ME1: variants seen among roughly 807,000 people sequenced by gnomAD.
ME1 encodes the protein malic enzyme 1.
A neutral mutation model predicts 66.4 loss-of-function variants in ME1; 74 were observed. That is an observed-to-expected ratio of 1.11 (90% CI 0.92 to 1.35). ME1 has a LOEUF of 1.35. Among genes scored for constraint, ME1 ranks in the 40% most tolerant of loss-of-function variants. The probability of loss-of-function intolerance (pLI) is 0.00; values close to 1 mark genes in which losing one functional copy is unlikely to be tolerated. For missense variants in ME1, 750 were observed against 694.1 expected (o/e 1.08, Z -0.90); for synonymous variants, 251 against 235.6 (o/e 1.07, Z -0.60).
intron 5 of ME1, among the ~76,000 whole-genome samples, chr6:83,327,386 C>T (rs1768316234): frequency 6.6e-6 from 1 of 152,184 alleles, no homozygotes; most frequent in South Asian, 2.1e-4. Context: ...AGAAATATCA[C>T]CGAATTCTTT....
intron 2 of ME1, among the ~76,000 whole-genome samples, chr6:83,399,931 T>C (rs561889761): frequency 6.6e-6 from 1 of 152,172 alleles, no homozygotes; most frequent in African/African-American, 2.4e-5. Flanking sequence ...TAAAATTAAT[T>C]TGGCAATGTG....
At chr6:83,277,883 T>C (rs1170498) in intron 6 of ME1, among the ~76,000 whole-genome samples, 72,147 of 150,108 alleles carry the variant, frequency 0.48, 18,909 homozygotes, top group African/African-American at 0.7. Context: ...GCTTGGGCGA[T>C]AGTGAGACTG....
intron 6 of ME1, among the ~76,000 whole-genome samples, chr6:83,312,366 T>C (rs1285150477): frequency 6.6e-6 from 1 of 152,116 alleles, no homozygotes; most frequent in Non-Finnish European, 1.5e-5. Flanking sequence ...CTGGTGGTGA[T>C]TCCTCAGACC....
chr6:83,383,942 C>T (rs770788779), intron 3 of ME1, among the ~76,000 whole-genome samples: 12 of 151,682 alleles, frequency 7.9e-5, no homozygotes, highest in Non-Finnish European at 1.8e-4. Context: ...TACAATAAAA[C>T]ATATAGTATT....
At chr6:83,362,898 T>A (rs941996565) in intron 3 of ME1, among the ~76,000 whole-genome samples, 1 of 152,222 alleles carries the variant, frequency 6.6e-6, no homozygotes, top group African/African-American at 2.4e-5. Context: ...CTCATGCTCA[T>A]GGAATTCACT....
intron 11 of ME1, among the ~76,000 whole-genome samples, chr6:83,226,528 G>A (rs1290976161): frequency 6.6e-6 from 1 of 152,040 alleles, no homozygotes; most frequent in Non-Finnish European, 1.5e-5. Flanking sequence ...GAACACTGAT[G>A]CCATCCCAAA....
intron 6 of ME1, among the ~76,000 whole-genome samples, chr6:83,312,540 T>G (rs1437254560): frequency 6.6e-6 from 1 of 151,764 alleles, no homozygotes; most frequent in Non-Finnish European, 1.5e-5. Flanking sequence ...AAAACCAACA[T>G]AGCATTGATG....
At chr6:83,214,497 T>C (rs1583322151) in intron 13 of ME1, among the ~76,000 whole-genome samples, 1 of 152,356 alleles carries the variant, frequency 6.6e-6, no homozygotes, top group East Asian at 1.9e-4. Flanking sequence ...CCACTCCCAT[T>C]CTGAAATTGT....
intron 9 of ME1, among the ~76,000 whole-genome samples, chr6:83,237,268 A>AAAGAAAGAAAGAAAGAAAGG (rs1790421647): frequency 9.4e-6 from 1 of 106,604 alleles, no homozygotes. Flanking sequence ...AGAAAGAAAG[A>AAAGAAAGAAAGAAAGAAAGG]AAGAAAGAAA....
At chr6:83,252,093 GT>G (rs534820704) in intron 7 of ME1, among the ~76,000 whole-genome samples, 88 of 152,296 alleles carry the variant, frequency 5.8e-4, no homozygotes, top group Middle Eastern at 6.8e-3. Context: ...AATGCAAAAG[GT>G]TTAGTGATAG....
chr6:83,235,534 G>C (rs959367633), intron 9 of ME1, among the ~76,000 whole-genome samples: 16 of 148,636 alleles, frequency 1.1e-4, no homozygotes, highest in Non-Finnish European at 1.9e-4. Context: ...GCAGTGGCGC[G>C]ATCTCGGCTC....
At chr6:83,398,241 G>C (rs1340457989) in intron 3 of ME1, 126 bp downstream of exon 3, 1 of 646,648 alleles carries the variant, frequency 1.5e-6, no homozygotes, top group Non-Finnish European at 2.5e-6. Flanking sequence ...AACATCCTCT[G>C]TACATCATAA....
chr6:83,312,353 C>A (rs949871534), intron 6 of ME1, among the ~76,000 whole-genome samples: 1 of 152,146 alleles, frequency 6.6e-6, no homozygotes, highest in African/African-American at 2.4e-5. Flanking sequence ...ACCACAGACC[C>A]ACCTGGTGGT....
In ME1 at chr6:83,431,049, G is replaced by C. The variant is rs1770481443; in HGVS notation, c.-95C>G. ...TGCTGGGGTGACGGTGCTGACTGCA[G>C]CTGTGGCGGCGGCGGCCGCACTGGG... is the stretch of plus-strand genomic sequence containing the variant. On this transcript the variant is annotated 5_prime_UTR_variant, in exon 1 of 14. Coordinates refer to ENST00000369705, the MANE Select transcript of ME1 (RefSeq NM_002395.6). 2 of 741,350 alleles carry C rather than the reference G, an allele frequency of 2.7e-6. No individual in the cohort carries two copies. Among genetic ancestry groups the C allele is most frequent in the Admixed American group, 5.0e-5 (1 of 20,004 alleles). 45.9% of individuals were successfully genotyped at this position (741,350 alleles called of 1,614,324 possible). A position where few individuals can be genotyped will look rare whatever the true frequency, so the allele number is the denominator to read the frequency against.
intron 1 of ME1, among the ~76,000 whole-genome samples, chr6:83,415,800 A>G (rs990992766): frequency 6.6e-6 from 1 of 152,198 alleles, no homozygotes; most frequent in African/African-American, 2.4e-5. Flanking sequence ...CAAAATATAT[A>G]TCTACATATC....
chr6:83,352,434 T>C (rs1327001821), intron 3 of ME1, among the ~76,000 whole-genome samples: 1 of 152,174 alleles, frequency 6.6e-6, no homozygotes, highest in Non-Finnish European at 1.5e-5. Flanking sequence ...AGAATTTAGA[T>C]ACCATTATCA....
chr6:83,372,931 G>A (rs1353746994), intron 3 of ME1, among the ~76,000 whole-genome samples: 1 of 152,144 alleles, frequency 6.6e-6, no homozygotes, highest in Admixed American at 6.5e-5. Flanking sequence ...TATTCAAACA[G>A]CTGAAATAAG....
At chr6:83,218,497 G>A (rs535723078) in intron 12 of ME1, among the ~76,000 whole-genome samples, 1 of 152,304 alleles carries the variant, frequency 6.6e-6, no homozygotes, top group African/African-American at 2.4e-5. Context: ...CAGGGTGGCT[G>A]TAAGCTGTAT....
chr6:83,328,378 G>T (rs918091626), intron 5 of ME1, among the ~76,000 whole-genome samples: 1 of 152,112 alleles, frequency 6.6e-6, no homozygotes, highest in African/African-American at 2.4e-5. Context: ...ACGGGTTGAT[G>T]AGTGCAGCAA....
Sources: allele counts gnomAD v4.1 joint callset (sites outside exome capture counted in the v4.1 genomes callset), GRCh38; gene constraint gnomAD v4.1.1; transcripts MANE v1.5; gene names NCBI Gene and HGNC (gene_info 2026-07-23, HGNC 2026-07-21).